Variants in PDE7B observed in about 807,000 individuals in gnomAD.
PDE7B encodes phosphodiesterase 7B, also known as 3',5'-cyclic-AMP phosphodiesterase 7B.
Under a neutral mutation model 56.2 loss-of-function variants are expected in PDE7B, and 29 were observed. The ratio of observed to expected loss-of-function variants is 0.52; its 90% CI spans 0.38 to 0.70. PDE7B has a LOEUF of 0.70. PDE7B is among the 30% of genes least tolerant of loss of function. The probability of loss-of-function intolerance (pLI) is 0.00; values close to 1 mark genes in which losing one functional copy is unlikely to be tolerated. For missense variants in PDE7B, 490 were observed against 565.0 expected (o/e 0.87, Z 1.35); for synonymous variants, 197 against 196.9 (o/e 1.00, Z 0.00).
At position 136,191,804 on chromosome 6, in the gene PDE7B, G is replaced by A. The variant is rs1008173982; in HGVS notation, c.1317G>A (p.Gly439=). ...SGPDHDHAGQ[G]TESEEQEGDS... ...CTGACCACGACCACGCAGGCCAAGG[G>A]ACTGAGAGCGAGGAGCAGGAAGGCG... Residue 439 remains glycine, a synonymous_variant, in exon 13 of 13, where the codon GGG becomes GGA. Transcript: ENST00000308191. 1.3e-6 allele frequency: 2 copies of A among 1,558,388 alleles called. No individual in the cohort carries two copies. Among genetic ancestry groups the A allele is most frequent in the South Asian group, 1.2e-5 (1 of 84,968 alleles).
intron 2 of PDE7B, among the ~76,000 whole-genome samples, chr6:136,095,242 T>G (rs1476777579): frequency 6.6e-6 from 1 of 152,156 alleles, no homozygotes; most frequent in Admixed American, 6.5e-5. Context: ...TTAAACACAC[T>G]TTAACACTGA....
At chr6:136,108,263 G>C (rs1450635052) in intron 2 of PDE7B, among the ~76,000 whole-genome samples, 1 of 152,102 alleles carries the variant, frequency 6.6e-6, no homozygotes, top group East Asian at 1.9e-4. Context: ...CCTGTGAGCC[G>C]ATTCTAAAGC....
chr6:136,135,018 AAAG>A (rs1222144627), intron 3 of PDE7B, among the ~76,000 whole-genome samples: 20 of 152,100 alleles, frequency 1.3e-4, no homozygotes, highest in African/African-American at 4.3e-4. Flanking sequence ...ACTCTGCCTT[AAAG>A]AAGACTTTCC....
At chr6:135,920,485 C>G (rs1774053010) in intron 1 of PDE7B, among the ~76,000 whole-genome samples, 1 of 152,124 alleles carries the variant, frequency 6.6e-6, no homozygotes, top group Non-Finnish European at 1.5e-5. Context: ...GTTTGCTTTT[C>G]AAACCATTTG....
chr6:136,099,131 T>A (rs1373141151), intron 2 of PDE7B, among the ~76,000 whole-genome samples: 1 of 152,244 alleles, frequency 6.6e-6, no homozygotes, highest in Admixed American at 6.5e-5. Context: ...CTACATAGTA[T>A]TCCATGGCAT....
intron 2 of PDE7B, among the ~76,000 whole-genome samples, chr6:136,100,770 G>T (rs1777547910): frequency 6.6e-6 from 1 of 152,070 alleles, no homozygotes; most frequent in Non-Finnish European, 1.5e-5. Flanking sequence ...TCTTTCTCTT[G>T]CCTGATTGCC....
intron 12 of PDE7B, among the ~76,000 whole-genome samples, chr6:136,189,496 A>G (rs1038373014): frequency 4.6e-5 from 7 of 152,192 alleles, no homozygotes; most frequent in African/African-American, 1.2e-4. Context: ...ACCTGAGCCC[A>G]AGGGGTCAAG....
chr6:136,015,576 G>T (rs1316374567), intron 2 of PDE7B, among the ~76,000 whole-genome samples: 1 of 152,148 alleles, frequency 6.6e-6, no homozygotes, highest in Non-Finnish European at 1.5e-5. Flanking sequence ...TTGGAAAATT[G>T]ACCACACAAT....
At chr6:136,092,224 T>C (rs1777398977) in intron 2 of PDE7B, among the ~76,000 whole-genome samples, 3 of 152,246 alleles carry the variant, frequency 2.0e-5, no homozygotes, top group Admixed American at 2.0e-4. Flanking sequence ...ATATATGTAA[T>C]AGTTTTTCAG....
chr6:135,855,166 A>C (rs932922403), intron 1 of PDE7B, among the ~76,000 whole-genome samples: 2 of 152,212 alleles, frequency 1.3e-5, no homozygotes, highest in African/African-American at 4.8e-5. Flanking sequence ...TCTAACATCC[A>C]TTTTAGATCA....
chr6:135,976,321 G>A (rs144112789), intron 2 of PDE7B, among the ~76,000 whole-genome samples: 3 of 152,150 alleles, frequency 2.0e-5, no homozygotes, highest in African/African-American at 7.2e-5. Context: ...AGAGAGAGCA[G>A]CAAAGGTCCT....
rs73556571 is a variant in PDE7B at position 135,908,298 on chromosome 6, C to T, written c.22-39166C>T. Among the ~76,000 whole-genome samples, 624 of 151,760 alleles carry T rather than the reference C, an allele frequency of 4.1e-3. 2 individuals carry two copies. Among genetic ancestry groups the T allele is most frequent in the African/African-American group, 0.014 (594 of 41,360 alleles). Reference sequence around the variant, plus strand: ...AGGAGAGACCGGGGTTTCTCCATATCGGTCAGGCTGGTCTCGTATCCCAAC... The same window carrying T: ...AGGAGAGACCGGGGTTTCTCCATATTGGTCAGGCTGGTCTCGTATCCCAAC... On this transcript the variant is annotated intron_variant, in intron 1 of 12. Transcript: ENST00000308191.
intron 1 of PDE7B, among the ~76,000 whole-genome samples, chr6:135,864,452 G>A (rs1421033914): frequency 6.6e-6 from 1 of 151,948 alleles, no homozygotes; most frequent in African/African-American, 2.4e-5. Context: ...TATTTCTGAT[G>A]TGTACTTTTG....
chr6:135,988,974 C>G (rs1028263417), intron 2 of PDE7B, among the ~76,000 whole-genome samples: 1 of 152,178 alleles, frequency 6.6e-6, no homozygotes, highest in African/African-American at 2.4e-5. Context: ...AAATATAACC[C>G]TTACATAATC....
intron 2 of PDE7B, among the ~76,000 whole-genome samples, chr6:136,106,835 C>A (rs1777652376): frequency 6.6e-6 from 1 of 152,094 alleles, no homozygotes; most frequent in East Asian, 1.9e-4. Context: ...TGACCAGCCA[C>A]CCCATATTAA....
At chr6:136,188,947 C>T (rs1779181308) in intron 12 of PDE7B, among the ~76,000 whole-genome samples, 1 of 152,106 alleles carries the variant, frequency 6.6e-6, no homozygotes, top group Non-Finnish European at 1.5e-5. Flanking sequence ...AGTGGGGTGG[C>T]AGGGACAGAT....
chr6:136,106,747 C>T (rs1254392125), intron 2 of PDE7B, among the ~76,000 whole-genome samples: 1 of 152,126 alleles, frequency 6.6e-6, no homozygotes, highest in Non-Finnish European at 1.5e-5. Context: ...TGTGAAAGTG[C>T]TTTGTAAACA....
chr6:135,900,700 A>C (rs1775984104), intron 1 of PDE7B, among the ~76,000 whole-genome samples: 1 of 151,564 alleles, frequency 6.6e-6, no homozygotes, highest in South Asian at 2.1e-4. Context: ...TTATTTTCCT[A>C]TGTGTCCTTA....
chr6:136,097,764 C>G (rs1164609062), intron 2 of PDE7B, among the ~76,000 whole-genome samples: 1 of 152,112 alleles, frequency 6.6e-6, no homozygotes, highest in Admixed American at 6.6e-5. Flanking sequence ...TCTCCAGCCT[C>G]ATTTTGCACC....
Sources: gnomAD v4.1 joint callset for allele counts (sites outside exome capture counted in the v4.1 genomes callset) on GRCh38, gnomAD v4.1.1 for gene constraint, MANE v1.5 for transcripts, NCBI Gene and HGNC (gene_info 2026-07-23, HGNC 2026-07-21) for gene names.